FKBP10: variants seen among roughly 807,000 people sequenced by gnomAD.
The protein encoded by FKBP10 is FKBP prolyl isomerase 10.
In FKBP10, 34 loss-of-function variants were observed where a neutral mutation model predicts 53.7. That is an observed-to-expected ratio of 0.63 (90% CI 0.48 to 0.84). The LOEUF (loss-of-function observed/expected upper bound fraction) is 0.84, where lower values mean the gene tolerates loss of function less well. FKBP10 is among the 40% of genes least tolerant of loss of function. The probability of loss-of-function intolerance (pLI) is 0.00; values close to 1 mark genes in which losing one functional copy is unlikely to be tolerated. For synonymous variants in FKBP10, 324 were observed against 335.7 expected, an observed-to-expected ratio of 0.97 and a Z score of 0.38; for missense variants, 748 against 797.8, an observed-to-expected ratio of 0.94 and a Z score of 0.75.
chr17:41,817,555 C>T (rs1177988242), intron 2 of FKBP10, among the ~76,000 whole-genome samples: 8 of 152,024 alleles, frequency 5.3e-5, no homozygotes, highest in African/African-American at 1.2e-4. Context: ...TGCTTGACCC[C>T]GGGAGGCTGC....
At chr17:41,818,340 G>A in intron 3 of FKBP10, 42 bp from the exon 4 acceptor site, 1 of 1,614,158 alleles carries the variant, frequency 6.2e-7, no homozygotes, top group East Asian at 2.2e-5. Context: ...CGGGAATCCG[G>A]GGCCCAGCCT....
rs782321765 is a variant in FKBP10, at chr17:41,819,380, G to A, written c.898G>A (p.Gly300Ser). 15 of 1,613,950 alleles carry A rather than the reference G, an allele frequency of 9.3e-6. No homozygotes were observed. Among genetic ancestry groups the A allele is most frequent in the Admixed American group, 1.7e-5 (1 of 59,992 alleles). The change falls in exon 5 of 10, where the codon GGC becomes AGC. Residue 300 changes from glycine (G) to serine (S), a missense_variant. By Grantham distance (56) the Gly-to-Ser change is moderately conservative. Transcript: ENST00000321562. ...RYHYNGSLMD[G>S]TLFDSSYSRN... Reference sequence around the variant, plus strand: ...CCACTACAATGGCTCCTTGATGGACGGCACCCTCTTCGATTCCAGGTCAGG... The same window carrying A: ...CCACTACAATGGCTCCTTGATGGACAGCACCCTCTTCGATTCCAGGTCAGG...
chr17:41,820,786 C>A, intron 7 of FKBP10, 161 bp from the exon 8 acceptor site: 2 of 1,015,364 alleles, frequency 2.0e-6, no homozygotes, highest in Non-Finnish European at 2.8e-6. Context: ...GGGAACCCCA[C>A]GTCTGCACAG....
rs1321058564 is a variant in FKBP10 at position 41,818,162 on chromosome 17, C to T, written c.465C>T (p.Thr155=). ...TGGATGTGTGGAACAAGGAAGACAC[C>T]GTGCAGGTGAGCACATTGCTGCGCC... is the stretch of plus-strand genomic sequence containing the variant. ...VLLDVWNKED[T]VQVSTLLRPP... is the part of the protein sequence containing the mutation. Residue 155 remains threonine, a synonymous_variant, in exon 3 of 10, where the codon ACC becomes ACT. Transcript: ENST00000321562. 6.2e-7 allele frequency: 1 copy of T among 1,613,652 alleles called. No individual in the cohort carries two copies. Among genetic ancestry groups the T allele is most frequent in the African/African-American group, 1.3e-5 (1 of 74,932 alleles).
chr17:41,820,562 C>G, intron 7 of FKBP10, 101 bp downstream of exon 7: 13 of 1,254,944 alleles, frequency 1.0e-5, no homozygotes, highest in Non-Finnish European at 1.5e-5. Flanking sequence ...TCTTGGTCCT[C>G]GAGCGCCAGG....
intron 9 of FKBP10, 83 bp from the exon 10 acceptor site, chr17:41,822,140 C>T (rs1597910774): frequency 2.3e-6 from 3 of 1,327,066 alleles, no homozygotes; most frequent in South Asian, 1.2e-5. Flanking sequence ...AAAGAAAGCA[C>T]TCACTGGCCT....
intron 6 of FKBP10, 193 bp downstream of exon 6, chr17:41,819,868 C>T: frequency 6.5e-7 from 1 of 1,541,248 alleles, no homozygotes; most frequent in Non-Finnish European, 8.8e-7. Context: ...CAGGGCAGCG[C>T]CCCACTTCGC....
At chr17:41,816,311 AC>A (rs2047815972) in intron 1 of FKBP10, among the ~76,000 whole-genome samples, 3 of 121,878 alleles carry the variant, frequency 2.5e-5, no homozygotes, top group Admixed American at 1.1e-4. Flanking sequence ...GCTCATTGCA[AC>A]CTCCGCCTCC....
intron 2 of FKBP10, 101 bp from the exon 3 acceptor site, chr17:41,817,988 C>G: frequency 7.9e-7 from 1 of 1,269,544 alleles, no homozygotes; most frequent in Non-Finnish European, 1.1e-6. Context: ...GTTTGGGTCT[C>G]TTGGTGCTGG....
At chr17:41,816,503 G>A (rs142936259) in intron 1 of FKBP10, among the ~76,000 whole-genome samples, 8 of 151,892 alleles carry the variant, frequency 5.3e-5, no homozygotes, top group Admixed American at 2.6e-4. Context: ...CTGCTCTCCC[G>A]TCTTTTCTTG....
chr17:41,820,385 G>A lies in FKBP10; in HGVS notation c.1180G>A (p.Glu394Lys). ...GTCCCGGCCATCTGAGACCTGCAATGAGACCACCAAGCTTGGGGACTTTGT... is the reference window on the plus strand; with the variant it reads ...GTCCCGGCCATCTGAGACCTGCAATAAGACCACCAAGCTTGGGGACTTTGT... ...TLSRPSETCN[E>K]TTKLGDFVRY... Residue 394 changes from glutamate to lysine, a missense_variant, in exon 7 of 10, where the codon GAG (glutamate) becomes AAG (lysine). Transcript: ENST00000321562. The A allele has an allele frequency of 6.2e-7, 1 of 1,614,162 alleles. No individual in the cohort carries two copies.
chr17:41,817,704 C>G (rs1346532708), intron 2 of FKBP10, among the ~76,000 whole-genome samples: 1 of 151,584 alleles, frequency 6.6e-6, no homozygotes, highest in African/African-American at 2.4e-5. Context: ...TCTCGGCTCA[C>G]TGCAACCTCA....
rs781860700 is a variant in FKBP10, at chr17:41,820,473, G to GT, written c.1256+12_1256+13insT. 1 of 1,613,370 alleles carries GT rather than the reference G, an allele frequency of 6.2e-7. No individual in the cohort carries two copies. Among genetic ancestry groups the GT allele is most frequent in the Admixed American group, 1.7e-5 (1 of 60,020 alleles). The stretch of plus-strand genomic sequence containing the variant: ...CAGCTGTTCACCTCGTGGGTCCGGG[G>GT]GGGGGCCGGGACTGGGCAGGTGGGT... On this transcript the variant is annotated intron_variant, in intron 7 of 9. Coordinates refer to ENST00000321562, the MANE Select transcript of FKBP10 (RefSeq NM_021939.4).
rs202161349 is a variant in FKBP10 at position 41,819,297 on chromosome 17, C to T, written c.815C>T (p.Thr272Met). ...HNPKDAVQLETLELPPGCVRR... is the reference protein window; with the variant it reads ...HNPKDAVQLEMLELPPGCVRR... ...CCGAAGGACGCTGTCCAGCTAGAGA[C>T]GCTGGAGCTCCCCCCCGGCTGTGTC... The change falls in exon 5 of 10, where the codon ACG becomes ATG. Residue 272 changes from threonine to methionine, a missense_variant. Transcript: ENST00000321562. 2.6e-5 allele frequency: 42 copies of T among 1,614,082 alleles called. 1 individual carries two copies. In the South Asian group the frequency reaches 4.0e-4, roughly 15 times the overall value.
At chr17:41,816,996 C>G (rs1382612499) in intron 1 of FKBP10, 62 bp from the exon 2 acceptor site, 1 of 1,611,086 alleles carries the variant, frequency 6.2e-7, no homozygotes, top group Non-Finnish European at 8.5e-7. Context: ...TGCATCTGTG[C>G]CACCATGGGC....
Position 41,819,609 on chromosome 17 carries a change from G to T in FKBP10, c.997G>T (p.Ala333Ser), listed in dbSNP as rs782081090. ...IPGMDQGLQGACMGERRRITI... is the reference protein window; with the variant it reads ...IPGMDQGLQGSCMGERRRITI... Reference sequence around the variant, plus strand: ...CGGGATGGACCAGGGGCTGCAGGGTGCCTGCATGGGGGAACGCCGGAGAAT... The same window carrying T: ...CGGGATGGACCAGGGGCTGCAGGGTTCCTGCATGGGGGAACGCCGGAGAAT... Residue 333 changes from alanine to serine, a missense_variant, in exon 6 of 10, where the codon GCC becomes TCC. Transcript: ENST00000321562. 5.0e-6 allele frequency: 8 copies of T among 1,613,638 alleles called. No individual in the cohort carries two copies. Among genetic ancestry groups the T allele is most frequent in the Middle Eastern group, 1.6e-4 (1 of 6,084 alleles).
At position 41,821,026 on chromosome 17, in the gene FKBP10, A is replaced by G. The variant is rs781812058; in HGVS notation, c.1336A>G (p.Met446Val). 9.4e-6 allele frequency: 15 copies of G among 1,587,908 alleles called. No individual in the cohort carries two copies. The highest frequency in any genetic ancestry group is 1.2e-5 in the Non-Finnish European group (14 of 1,166,268). ...AGGCCTGGACACGGGCCTGCAGGGC[A>G]TGTGTGTGGGAGAGAGGCGGCAGCT... Reference protein sequence around the residue: ...IEGLDTGLQGMCVGERRQLIV... With the variant: ...IEGLDTGLQGVCVGERRQLIV... The change falls in exon 8 of 10, where the codon ATG (methionine) becomes GTG (valine). Residue 446 changes from methionine (M) to valine (V), a missense_variant. By Grantham distance (21) the Met-to-Val change is conservative. Transcript: ENST00000321562.
chr17:41,822,447 C>A lies in FKBP10; in HGVS notation c.*39C>A. ...TGGCCAGGCCTGAGACACAGAGGCC[C>A]ACTGCGAGGGGGACAGTGGCGGTGG... On this transcript the variant is annotated 3_prime_UTR_variant, in exon 10 of 10. Transcript: ENST00000321562. 1.3e-6 allele frequency: 2 copies of A among 1,567,452 alleles called. No homozygotes were observed. The highest frequency in any genetic ancestry group is 1.7e-6 in the Non-Finnish European group (2 of 1,155,588).
chr17:41,814,748 T>C (rs1313263070), intron 1 of FKBP10, among the ~76,000 whole-genome samples: 1 of 150,448 alleles, frequency 6.6e-6, no homozygotes, highest in Non-Finnish European at 1.5e-5. Context: ...TGGAAAACTT[T>C]TTGTTTTTTA....
Sources: allele counts gnomAD v4.1 joint callset (sites outside exome capture counted in the v4.1 genomes callset), GRCh38; gene constraint gnomAD v4.1.1; transcripts MANE v1.5; gene names NCBI Gene and HGNC (gene_info 2026-07-23, HGNC 2026-07-21).